The following CAMK2B variants were observed in gnomAD, a reference collection of about 807,000 sequenced individuals.
The protein encoded by CAMK2B is calcium/calmodulin dependent protein kinase II beta, also known as calcium/calmodulin-dependent protein kinase type II subunit beta.
CAMK2B carries 27 observed loss-of-function variants against 93.7 expected under a neutral mutation model. The ratio of observed to expected loss-of-function variants is 0.29; its 90% CI spans 0.21 to 0.40. CAMK2B has a LOEUF of 0.40. Among genes scored for constraint, CAMK2B ranks in the 10% least tolerant of loss-of-function variants. The pLI is 1.00. For missense variants in CAMK2B, 568 were observed against 895.8 expected (o/e 0.63, Z 4.67); for synonymous variants, 374 against 358.8 (o/e 1.04, Z -0.48).
intron 1 of CAMK2B, among the ~76,000 whole-genome samples, chr7:44,293,787 T>C (rs901094209): frequency 3.9e-5 from 6 of 152,168 alleles, no homozygotes; most frequent in Admixed American, 1.3e-4. Context: ...CGTCTCCTGC[T>C]GTGTAGCCCA....
At chr7:44,235,399 C>T (rs1254105808) in intron 13 of CAMK2B, among the ~76,000 whole-genome samples, 2 of 152,274 alleles carry the variant, frequency 1.3e-5, no homozygotes. Context: ...GCCCCTGCCT[C>T]ACCCAGCATT....
At chr7:44,272,740 G>A (rs1344081784) in intron 2 of CAMK2B, among the ~76,000 whole-genome samples, 1 of 152,244 alleles carries the variant, frequency 6.6e-6, no homozygotes, top group Admixed American at 6.5e-5. Flanking sequence ...GCCAGTGGCT[G>A]CAGTAGGGCC....
At chr7:44,289,184 C>G (rs531503608) in intron 1 of CAMK2B, among the ~76,000 whole-genome samples, 6 of 152,298 alleles carry the variant, frequency 3.9e-5, no homozygotes, top group African/African-American at 1.4e-4. Context: ...CTATCCGTGG[C>G]TCCCACCAAC....
chr7:44,297,567 A>T (rs898973141), intron 1 of CAMK2B, among the ~76,000 whole-genome samples: 5 of 152,232 alleles, frequency 3.3e-5, no homozygotes, highest in African/African-American at 1.2e-4. Context: ...TTGGATCAAA[A>T]AACAAGACCA....
At chr7:44,290,287 C>G (rs1786407664) in intron 1 of CAMK2B, among the ~76,000 whole-genome samples, 1 of 152,222 alleles carries the variant, frequency 6.6e-6, no homozygotes, top group African/African-American at 2.4e-5. Flanking sequence ...ATTTCCCATC[C>G]AGTTTTTGCG....
chr7:44,255,060 C>T (rs2096822916), intron 4 of CAMK2B, among the ~76,000 whole-genome samples: 1 of 152,066 alleles, frequency 6.6e-6, no homozygotes, highest in Non-Finnish European at 1.5e-5. Context: ...GGTTTCCCCT[C>T]CTCAATACTC....
chr7:44,259,459 G>C (rs1444846134), intron 3 of CAMK2B: 4 of 156,896 alleles, frequency 2.5e-5, no homozygotes, highest in African/African-American at 9.6e-5. Context: ...CTGGTGGCAG[G>C]GTCCCTGCCT....
intron 1 of CAMK2B, among the ~76,000 whole-genome samples, chr7:44,309,686 C>G (rs1425246261): frequency 1.3e-5 from 2 of 152,212 alleles, no homozygotes; most frequent in Non-Finnish European, 2.9e-5. Flanking sequence ...CCTCCTCGCC[C>G]GGGCAGGAGC....
chr7:44,266,181 C>G (rs544691488), intron 2 of CAMK2B, among the ~76,000 whole-genome samples: 1 of 152,166 alleles, frequency 6.6e-6, no homozygotes, highest in Non-Finnish European at 1.5e-5. Context: ...AAAAATAAAT[C>G]TAAGCAGATA....
rs746905305 is a variant in CAMK2B at position 44,226,580 on chromosome 7, G to A, written c.1533C>T (p.Gly511=). The A allele has an allele frequency of 3.5e-5, 52 of 1,490,366 alleles. No individual in the cohort carries two copies. Among genetic ancestry groups the A allele is most frequent in the Non-Finnish European group, 4.0e-5 (45 of 1,127,840 alleles). The allele number at this position is 1,490,366 out of a possible 1,614,324, so 92.3% of individuals were successfully genotyped here. The change falls in exon 20 of 24, where the codon GGC becomes GGT. Residue 511 remains glycine (G), a synonymous_variant. Transcript: ENST00000395749. Reference sequence around the variant, plus strand: ...AGGGCGGGGGCCCCACTGGCGAGGGGCCCTCGGCTTCTGGGGTCCCTGAGC... The same window carrying A: ...AGGGCGGGGGCCCCACTGGCGAGGGACCCTCGGCTTCTGGGGTCCCTGAGC... ...RRGSGTPEAE[G]PSPVGPPPCP...
At chr7:44,256,757 T>C (rs537489151) in intron 4 of CAMK2B, among the ~76,000 whole-genome samples, 1 of 152,276 alleles carries the variant, frequency 6.6e-6, no homozygotes. Flanking sequence ...GGTGCCTCAC[T>C]AGGGCTGATG....
intron 1 of CAMK2B, among the ~76,000 whole-genome samples, chr7:44,315,419 T>C (rs1375657162): frequency 1.3e-5 from 2 of 152,210 alleles, no homozygotes; most frequent in East Asian, 3.8e-4. Context: ...CTCAATCCTA[T>C]TTCACTGATC....
intron 1 of CAMK2B, among the ~76,000 whole-genome samples, chr7:44,300,945 T>C (rs1282216177): frequency 1.3e-5 from 2 of 151,986 alleles, no homozygotes; most frequent in African/African-American, 4.8e-5. Context: ...CAGACTGCAA[T>C]GGAATTAAAT....
In CAMK2B at chr7:44,249,825, C is replaced by T. The variant is rs191895700; in HGVS notation, c.342-2633G>A. On this transcript the variant is annotated intron_variant, in intron 5 of 23. Transcript: ENST00000395749. ...CGCAGCTCTGGCCACGCCCTGTATC[C>T]TCCTTCCTCCCCAGCTGTCATCACC... Among the ~76,000 whole-genome samples, 711 of 152,246 alleles carry T rather than the reference C, an allele frequency of 4.7e-3. 7 individuals carry two copies. Among genetic ancestry groups the T allele is most frequent in the African/African-American group, 0.017 (686 of 41,536 alleles).
intron 22 of CAMK2B, 85 bp from the exon 23 acceptor site, chr7:44,220,379 C>T (rs2096385574): frequency 3.7e-6 from 4 of 1,089,280 alleles, no homozygotes; most frequent in Non-Finnish European, 5.4e-6. Flanking sequence ...TAATCCTTTC[C>T]CTCTCTCAAC....
Position 44,271,198 on chromosome 7 carries a change from C to T in CAMK2B, c.161-8134G>A. Among the ~76,000 whole-genome samples, 1 of 152,328 alleles carries T rather than the reference C, an allele frequency of 6.6e-6. No individual in the cohort carries two copies. The highest frequency in any genetic ancestry group is 1.9e-4 in the East Asian group (1 of 5,186). On this transcript the variant is annotated intron_variant, in intron 2 of 23. Coordinates refer to ENST00000395749, the MANE Select transcript of CAMK2B (RefSeq NM_001220.5). This position sits in a 1 kb window ranked among gnomAD's most constrained non-coding sequence, Gnocchi z 4.2. ...CCTCCCAAAGTGCTGGGATTACAGG[C>T]ATGAGCCACCATCTGGCCCTCTAGA...
At chr7:44,230,733 G>A (rs961897600) in intron 17 of CAMK2B, among the ~76,000 whole-genome samples, 9 of 152,028 alleles carry the variant, frequency 5.9e-5, no homozygotes, top group Non-Finnish European at 1.0e-4. Flanking sequence ...CTGGTGTGGA[G>A]AACCTGCCTC....
rs766988307 is a variant in CAMK2B at position 44,232,813 on chromosome 7, G to C, written c.1176+9C>G. 1.8e-5 allele frequency: 29 copies of C among 1,613,634 alleles called. No individual in the cohort carries two copies. Among genetic ancestry groups the C allele is most frequent in the Non-Finnish European group, 2.4e-5 (28 of 1,179,690 alleles). On this transcript the variant is annotated intron_variant, in intron 16 of 23. Coordinates refer to ENST00000395749, the MANE Select transcript of CAMK2B (RefSeq NM_001220.5). ...TGGGGAAAGCGGGAGGAGGAAAGTG[G>C]GGCAGTACCTTAATCCCGTCCACTG...
intron 3 of CAMK2B, among the ~76,000 whole-genome samples, chr7:44,260,710 C>A (rs1199240961): frequency 6.6e-6 from 1 of 152,164 alleles, no homozygotes; most frequent in Non-Finnish European, 1.5e-5. Flanking sequence ...TGTGAAGAAT[C>A]CCAGGTGACC....
Sources: gnomAD v4.1 joint callset for allele counts (sites outside exome capture counted in the v4.1 genomes callset) on GRCh38, gnomAD v4.1.1 for gene constraint, Gnocchi (gnomAD v3.1) non-coding constraint, MANE v1.5 for transcripts, NCBI Gene and HGNC (gene_info 2026-07-23, HGNC 2026-07-21) for gene names.